KDM4B: variants seen among roughly 807,000 people sequenced by gnomAD.
KDM4B encodes lysine demethylase 4B.
Under a neutral mutation model 125.2 loss-of-function variants are expected in KDM4B, and 32 were observed. The ratio of observed to expected loss-of-function variants is 0.26; its 90% CI spans 0.19 to 0.34. The LOEUF (loss-of-function observed/expected upper bound fraction) is 0.34, where lower values mean the gene tolerates loss of function less well. Ranked by LOEUF, KDM4B falls within the 10% of genes least tolerant of loss-of-function variation. The pLI, the probability that KDM4B is intolerant of heterozygous loss-of-function variation, is 1.00. For synonymous variants in KDM4B, 721 were observed against 677.9 expected, an observed-to-expected ratio of 1.06 and a Z score of -0.99; for missense variants, 1,190 against 1,577.7, an observed-to-expected ratio of 0.75 and a Z score of 4.16.
At chr19:5,056,036 G>A (rs547994623) in intron 6 of KDM4B, among the ~76,000 whole-genome samples, 12 of 152,238 alleles carry the variant, frequency 7.9e-5, no homozygotes, top group South Asian at 2.1e-4. Context: ...ATGTTGTCCC[G>A]TCTCCGTAGG....
chr19:5,120,268 G>A (rs1015454254), intron 11 of KDM4B, among the ~76,000 whole-genome samples: 14 of 152,206 alleles, frequency 9.2e-5, no homozygotes, highest in South Asian at 2.1e-4. Context: ...GTAGTGAGCC[G>A]TGTTTGCACC....
rs1330681418 is a variant in KDM4B, at chr19:4,997,735, T to TG, written c.-108-18517dup. 3.3e-5 allele frequency among the ~76,000 whole-genome samples: 5 copies of TG among 152,220 alleles called. No individual in the cohort carries two copies. The highest frequency in any genetic ancestry group is 1.2e-4 in the African/African-American group (5 of 41,466). Reference sequence around the variant, plus strand: ...CCAGGCACTCAGAGTCATGCCTGCATGGGGGCTCCAGGACCTCGTCATCAG... The same window carrying TG: ...CCAGGCACTCAGAGTCATGCCTGCATGGGGGGCTCCAGGACCTCGTCATCAG... On this transcript the variant is annotated intron_variant, in intron 1 of 22. Coordinates refer to ENST00000159111, the MANE Select transcript of KDM4B (RefSeq NM_015015.3). The surrounding 1 kb of genome is among the most constrained non-coding windows in gnomAD (Gnocchi z 4.2).
intron 11 of KDM4B, among the ~76,000 whole-genome samples, chr19:5,127,696 G>A (rs2146042770): frequency 6.6e-6 from 1 of 152,326 alleles, no homozygotes; most frequent in East Asian, 1.9e-4. Context: ...AGCGGGACTT[G>A]GGGCCATCCC....
rs2034269045 is a variant in KDM4B, at chr19:4,971,841, C to T, written c.-109+2611C>T. Among the ~76,000 whole-genome samples, 3 of 152,038 alleles carry T rather than the reference C, an allele frequency of 2.0e-5. 1 individual carries two copies. Among genetic ancestry groups the T allele is most frequent in the Non-Finnish European group, 4.4e-5 (3 of 68,004 alleles). ...GAATTGGGGGTTCAGAGCTGGGTGA[C>T]CTTGACCCAGTCACTTGCTCAGTGA... is the stretch of plus-strand genomic sequence containing the variant. On this transcript the variant is annotated intron_variant, in intron 1 of 22. Coordinates refer to ENST00000159111, the MANE Select transcript of KDM4B (RefSeq NM_015015.3). The surrounding 1 kb of genome is among the most constrained non-coding windows in gnomAD (Gnocchi z 4.1).
intron 13 of KDM4B, 40 bp from the exon 14 acceptor site, chr19:5,133,843 G>T: frequency 6.2e-7 from 1 of 1,601,346 alleles, no homozygotes; most frequent in Non-Finnish European, 8.5e-7. Flanking sequence ...GTTTTTAGGG[G>T]GCTCAAGTGT....
chr19:5,135,496 A>T lies in KDM4B; in HGVS notation c.2243A>T (p.Tyr748Phe), dbSNP rs1356131883. Residue 748 changes from tyrosine to phenylalanine, a missense_variant, in exon 15 of 23, where the codon TAC becomes TTC. By Grantham distance (22) the Tyr-to-Phe change is conservative (BLOSUM62 3). Transcript: ENST00000159111. ...ACGGAGCCGCTGCCTGCCAACTCCT[A>T]CATCGGCGACGACGGGACCAGCCCC... ...ENTEPLPANS[Y>F]IGDDGTSPLI... 1.3e-5 allele frequency: 21 copies of T among 1,612,412 alleles called. No homozygotes were observed. Among genetic ancestry groups the T allele is most frequent in the Non-Finnish European group, 1.7e-5 (20 of 1,179,740 alleles).
Position 5,082,005 on chromosome 19 carries a change from C to T in KDM4B, c.781-362C>T, listed in dbSNP as rs1482226510. Among the ~76,000 whole-genome samples, 1 of 152,184 alleles carries T rather than the reference C, an allele frequency of 6.6e-6. No homozygotes were observed. The highest frequency in any genetic ancestry group is 1.5e-5 in the Non-Finnish European group (1 of 68,030). ...GGCCCCCATCGCTCCCCATGAAGGT[C>T]CGGCTGGAGACACCCCCACGGGCAT... On this transcript the variant is annotated intron_variant, in intron 8 of 22. Coordinates refer to ENST00000159111, the MANE Select transcript of KDM4B (RefSeq NM_015015.3). This position sits in a 1 kb window ranked among gnomAD's most constrained non-coding sequence, Gnocchi z 5.4.
At chr19:5,011,076 C>G (rs1013237307) in intron 1 of KDM4B, among the ~76,000 whole-genome samples, 2 of 152,170 alleles carry the variant, frequency 1.3e-5, no homozygotes, top group African/African-American at 4.8e-5. Context: ...CCATCAGGAG[C>G]CCCTCGCATG....
chr19:5,019,580 AGGTGTTGGTGTGCG>A (rs2036020647), intron 2 of KDM4B, among the ~76,000 whole-genome samples: 2 of 102,628 alleles, frequency 1.9e-5, no homozygotes, highest in African/African-American at 3.9e-5. Flanking sequence ...GTTGGTGTGC[AGGTGTTGGTGTGCG>A]GGTGTTGGTG....
chr19:5,045,708 C>T (rs191120284), intron 5 of KDM4B, among the ~76,000 whole-genome samples: 13 of 152,218 alleles, frequency 8.5e-5, no homozygotes, highest in African/African-American at 1.9e-4. Flanking sequence ...CTCTTGACTT[C>T]GTGATCTGCC....
chr19:4,979,016 C>T (rs2034549513), intron 1 of KDM4B, among the ~76,000 whole-genome samples: 1 of 152,134 alleles, frequency 6.6e-6, no homozygotes, highest in African/African-American at 2.4e-5. Context: ...AGCCTGGAGG[C>T]CGGATGGCTG....
In KDM4B at chr19:5,048,903, AG is replaced by A. The variant is rs11362251; in HGVS notation, c.626+1240del. The stretch of plus-strand genomic sequence containing the variant: ...CAAGGAGGCCCAGCCAGACAGAAGC[AG>A]GGGGGTCAGGGACATGGGAGGTGGG... On this transcript the variant is annotated intron_variant, in intron 6 of 22. Coordinates refer to ENST00000159111, the MANE Select transcript of KDM4B (RefSeq NM_015015.3). Among the ~76,000 whole-genome samples, 366 of 152,262 alleles carry A rather than the reference AG, an allele frequency of 2.4e-3. 1 individual carries two copies. Among genetic ancestry groups the A allele is most frequent in the African/African-American group, 8.3e-3 (343 of 41,550 alleles).
At chr19:5,109,057 A>G (rs998269766) in intron 9 of KDM4B, among the ~76,000 whole-genome samples, 1 of 152,232 alleles carries the variant, frequency 6.6e-6, no homozygotes, top group East Asian at 1.9e-4. Context: ...GTTTATTAAT[A>G]AAGTTTTATT....
intron 9 of KDM4B, among the ~76,000 whole-genome samples, chr19:5,107,673 C>T (rs760717749): frequency 2.6e-5 from 4 of 152,296 alleles, no homozygotes; most frequent in East Asian, 1.9e-4. Flanking sequence ...GGCACGCAGC[C>T]GATCAGAAGA....
chr19:5,017,046 A>G (rs937927291), intron 2 of KDM4B, among the ~76,000 whole-genome samples: 1 of 152,206 alleles, frequency 6.6e-6, no homozygotes, highest in African/African-American at 2.4e-5. Flanking sequence ...CCGGCAGAGC[A>G]CCGGGGAAAG....
chr19:5,040,648 G>C (rs1462261282), intron 4 of KDM4B, among the ~76,000 whole-genome samples: 1 of 130,336 alleles, frequency 7.7e-6, no homozygotes, highest in East Asian at 2.9e-4. Context: ...TGCTGCGCAG[G>C]CCTGTCCCGT....
chr19:5,094,245 C>T lies in KDM4B; in HGVS notation c.918+11741C>T, dbSNP rs768314777. ...ATCATGCACTGATGACAGCTGCTAC[C>T]ACCCTGCTTCAGAAAAGCTCCTCTG... On this transcript the variant is annotated intron_variant, in intron 9 of 22. Transcript: ENST00000159111. Among the ~76,000 whole-genome samples the T allele has an allele frequency of 5.9e-5, 9 of 152,394 alleles. No homozygotes were observed. In the Middle Eastern group the frequency reaches 0.01, roughly 173 times the overall value.
intron 2 of KDM4B, among the ~76,000 whole-genome samples, chr19:5,019,327 C>CGTGCAGGTGTTGGTGTGGGTGTTGGT (rs2035999445): frequency 2.6e-5 from 1 of 37,930 alleles, no homozygotes; most frequent in Non-Finnish European, 5.0e-5. Flanking sequence ...TGGACGTTGG[C>CGTGCAGGTGTTGGTGTGGGTGTTGGT]GTGCAGGTGT....
At chr19:4,987,477 C>T (rs2034878445) in intron 1 of KDM4B, among the ~76,000 whole-genome samples, 1 of 150,726 alleles carries the variant, frequency 6.6e-6, no homozygotes, top group Admixed American at 6.6e-5. Context: ...ATCTTCCCGG[C>T]CGGAGGGGGG....
Sources: gnomAD v4.1 joint callset for allele counts (sites outside exome capture counted in the v4.1 genomes callset) on GRCh38, gnomAD v4.1.1 for gene constraint, Gnocchi (gnomAD v3.1) non-coding constraint, MANE v1.5 for transcripts, NCBI Gene and HGNC (gene_info 2026-07-23, HGNC 2026-07-21) for gene names.